ZFHX3: variants seen among roughly 807,000 people sequenced by gnomAD.
ZFHX3 encodes zinc finger homeobox 3, also known as zinc finger homeobox protein 3.
Under a neutral mutation model 279.1 loss-of-function variants are expected in ZFHX3, and 42 were observed. The observed-to-expected ratio is 0.15, with a 90% CI of 0.12 to 0.19. ZFHX3 has a LOEUF of 0.19. ZFHX3 is among the 10% of genes least tolerant of loss of function. The pLI is 1.00. For missense variants in ZFHX3, 4,981 were observed against 4,754.0 expected (o/e 1.05, Z -1.40); for synonymous variants, 2,293 against 1,957.8 (o/e 1.17, Z -4.52).
chr16:73,156,636 GCCTCGA>G (rs1183401144), intron 5 of ZFHX3, among the ~76,000 whole-genome samples: 1 of 152,132 alleles, frequency 6.6e-6, no homozygotes, highest in African/African-American at 2.4e-5. Context: ...GCTCTCTGCA[GCCTCGA>G]CCTCCTGGGT....
intron 3 of ZFHX3, among the ~76,000 whole-genome samples, chr16:72,927,430 G>C (rs921842776): frequency 6.6e-6 from 1 of 152,178 alleles, no homozygotes; most frequent in East Asian, 1.9e-4. Flanking sequence ...TGCCCCCTTG[G>C]CCTCCTGATT....
At chr16:73,850,251 C>G (rs1189548959) in intron 1 of ZFHX3, among the ~76,000 whole-genome samples, 1 of 152,148 alleles carries the variant, frequency 6.6e-6, no homozygotes, top group African/African-American at 2.4e-5. Context: ...TGCTGTTGGG[C>G]AGGTTGGTTA....
Position 73,456,720 on chromosome 16 carries a change from G to C in ZFHX3, c.-1546-462C>G, listed in dbSNP as rs754910002. 2.0e-5 allele frequency among the ~76,000 whole-genome samples: 3 copies of C among 152,160 alleles called. No individual in the cohort carries two copies. In the South Asian group the frequency reaches 6.2e-4, roughly 32 times the overall value. Reference sequence around the variant, plus strand: ...CCAAATTAATAGAGTGCCGCTCCAAGGCCTGGAGAGTGGGATCCAGATGCA... The same window carrying C: ...CCAAATTAATAGAGTGCCGCTCCAACGCCTGGAGAGTGGGATCCAGATGCA... On this transcript the variant is annotated intron_variant, in intron 2 of 17. Coordinates refer to the ZFHX3 transcript ENST00000641206.
chr16:73,589,485 A>C lies in ZFHX3; in HGVS notation c.-1547+90695T>G, dbSNP rs2051968818. ...GGTGGCTCACGCCTGTAATCCCAGC[A>C]CTTTGGGAGGCTGTGGTGGGTGGAT... On this transcript the variant is annotated intron_variant, in intron 2 of 17. Transcript: ENST00000641206. 4.0e-5 allele frequency among the ~76,000 whole-genome samples: 6 copies of C among 150,434 alleles called. No homozygotes were observed. In the South Asian group the frequency reaches 1.3e-3, roughly 32 times the overall value.
At chr16:72,833,744 C>T (rs1169307446) in intron 4 of ZFHX3, among the ~76,000 whole-genome samples, 1 of 152,156 alleles carries the variant, frequency 6.6e-6, no homozygotes, top group Non-Finnish European at 1.5e-5. Context: ...GCCTCCCAGA[C>T]AGCTCTGTGT....
At chr16:73,736,299 G>A (rs1392293642) in intron 1 of ZFHX3, among the ~76,000 whole-genome samples, 3 of 152,172 alleles carry the variant, frequency 2.0e-5, no homozygotes, top group Admixed American at 6.5e-5. Context: ...AGATGCAGGG[G>A]CAGCAGCCTG....
chr16:73,324,304 G>A (rs1324368884), intron 3 of ZFHX3, among the ~76,000 whole-genome samples: 1 of 152,198 alleles, frequency 6.6e-6, no homozygotes, highest in Non-Finnish European at 1.5e-5. Flanking sequence ...ATCATCCTGA[G>A]TAAATTAGCA....
chr16:73,095,890 C>T (rs1175139388), intron 7 of ZFHX3, among the ~76,000 whole-genome samples: 1 of 152,226 alleles, frequency 6.6e-6, no homozygotes, highest in Non-Finnish European at 1.5e-5. Context: ...TTCAACAGAG[C>T]TGTTAGGAGC....
At chr16:73,497,753 G>T (rs754268921) in intron 2 of ZFHX3, among the ~76,000 whole-genome samples, 1 of 152,154 alleles carries the variant, frequency 6.6e-6, no homozygotes, top group African/African-American at 2.4e-5. Context: ...AGGTTGAAAC[G>T]CTCCCAAAGA....
intron 3 of ZFHX3, among the ~76,000 whole-genome samples, chr16:72,946,980 C>T (rs888769467): frequency 6.6e-6 from 1 of 152,208 alleles, no homozygotes; most frequent in African/African-American, 2.4e-5. Context: ...AGCCCAGTTC[C>T]CAAGCTTCAC....
At chr16:73,065,123 G>A (rs1043159614) in intron 8 of ZFHX3, among the ~76,000 whole-genome samples, 7 of 152,244 alleles carry the variant, frequency 4.6e-5, no homozygotes, top group African/African-American at 1.4e-4. Flanking sequence ...GAAACCCTGC[G>A]ATGGGCGGGC....
At chr16:72,932,001 T>A (rs1959837304) in intron 3 of ZFHX3, among the ~76,000 whole-genome samples, 2 of 152,224 alleles carry the variant, frequency 1.3e-5, no homozygotes, top group South Asian at 4.1e-4. Context: ...CTCTAAGCTG[T>A]GTATTTCTAG....
At chr16:73,634,765 C>T (rs1000973142) in intron 2 of ZFHX3, among the ~76,000 whole-genome samples, 2 of 152,052 alleles carry the variant, frequency 1.3e-5, no homozygotes, top group Non-Finnish European at 2.9e-5. Context: ...AATGATAGCA[C>T]TGGGTGACAA....
At chr16:73,249,850 A>AC (rs35087076) in intron 5 of ZFHX3, among the ~76,000 whole-genome samples, 21 of 151,980 alleles carry the variant, frequency 1.4e-4, no homozygotes, top group South Asian at 6.2e-4. Context: ...ACACACACAC[A>AC]AAATTCAAAA....
At chr16:73,059,396 A>ACG (rs751906022) in exon 1 of ZFHX3, 3 of 147,004 alleles carry the variant, frequency 2.0e-5, no homozygotes, top group East Asian at 4.0e-4. Flanking sequence ...ACACACACAC[A>ACG]CGCACACACA....
chr16:73,698,884 G>A (rs928952246), intron 1 of ZFHX3, among the ~76,000 whole-genome samples: 2 of 150,940 alleles, frequency 1.3e-5, no homozygotes, highest in South Asian at 2.1e-4. Context: ...TTGTTTGTTT[G>A]TTTGTTTGTT....
intron 5 of ZFHX3, among the ~76,000 whole-genome samples, chr16:73,181,618 C>A (rs1270692219): frequency 6.6e-6 from 1 of 152,194 alleles, no homozygotes; most frequent in Non-Finnish European, 1.5e-5. Flanking sequence ...ATCCCCTCTT[C>A]TTGTGCCCTT....
At chr16:73,288,185 G>C (rs1169142455) in intron 4 of ZFHX3, among the ~76,000 whole-genome samples, 1 of 151,896 alleles carries the variant, frequency 6.6e-6, no homozygotes. Context: ...GAGGGAGGGA[G>C]GGAGAGAAGG....
intron 1 of ZFHX3, among the ~76,000 whole-genome samples, chr16:73,739,364 G>A (rs955427803): frequency 1.5e-4 from 23 of 152,132 alleles, no homozygotes; most frequent in Admixed American, 3.9e-4. Context: ...ATTCTTTGTC[G>A]TGGGGACTGT....
Sources: gnomAD v4.1 joint callset for allele counts (sites outside exome capture counted in the v4.1 genomes callset) on GRCh38, gnomAD v4.1.1 for gene constraint, MANE v1.5 for transcripts, NCBI Gene and HGNC (gene_info 2026-07-23, HGNC 2026-07-21) for gene names.